PRSS23: variants seen among roughly 807,000 people sequenced by gnomAD.
The protein encoded by PRSS23 is protease, serine 23.
PRSS23 carries 25 observed loss-of-function variants against 34.7 expected under a neutral mutation model. The ratio of observed to expected loss-of-function variants is 0.72; its 90% CI spans 0.53 to 1.01. The LOEUF (loss-of-function observed/expected upper bound fraction) is 1.01. PRSS23 is among the 50% of genes least tolerant of loss of function. PRSS23 has a pLI of 0.00. For synonymous variants in PRSS23, 176 were observed against 186.6 expected (o/e 0.94, Z 0.46); for missense variants, 445 against 475.6 (o/e 0.94, Z 0.60).
At chr11:86,830,546 C>T (rs1394574972) in intron 2 of PRSS23, among the ~76,000 whole-genome samples, 1 of 152,192 alleles carries the variant, frequency 6.6e-6, no homozygotes, top group African/African-American at 2.4e-5. Context: ...GAACCTGGTA[C>T]CTCAGATGGA....
At chr11:86,902,085 C>G (rs970921340) in intron 2 of PRSS23, among the ~76,000 whole-genome samples, 1 of 152,090 alleles carries the variant, frequency 6.6e-6, no homozygotes, top group Non-Finnish European at 1.5e-5. Flanking sequence ...TACTGAATGT[C>G]TACATAGATG....
intron 2 of PRSS23, among the ~76,000 whole-genome samples, chr11:86,825,274 T>A (rs1948290443): frequency 6.6e-6 from 1 of 152,140 alleles, no homozygotes; most frequent in Admixed American, 6.5e-5. Flanking sequence ...TGCATAAATG[T>A]CTTCTTTTGA....
chr11:86,833,118 A>G (rs1013240526), intron 2 of PRSS23: 1 of 660,480 alleles, frequency 1.5e-6, no homozygotes, highest in Non-Finnish European at 2.8e-6. Context: ...ACTCAGGAGC[A>G]TGTCTTTCTT....
chr11:86,814,260 TATC>T (rs1948199713), downstream of PRSS23, among the ~76,000 whole-genome samples: 2 of 152,018 alleles, frequency 1.3e-5, no homozygotes, highest in Admixed American at 1.3e-4. Flanking sequence ...AGAGAAATAA[TATC>T]ATCTGGGGAG....
chr11:86,879,705 C>T (rs1948757178), intron 2 of PRSS23, among the ~76,000 whole-genome samples: 1 of 143,476 alleles, frequency 7.0e-6, no homozygotes, highest in South Asian at 2.3e-4. Context: ...GGCCAGCCGC[C>T]CCATCCGGGA....
intron 2 of PRSS23, among the ~76,000 whole-genome samples, chr11:86,879,194 C>G (rs1473470830): frequency 7.3e-5 from 11 of 150,388 alleles, no homozygotes; most frequent in African/African-American, 2.7e-4. Context: ...CTCTGCCCGG[C>G]GGCCCATCAT....
chr11:86,939,406 ATAT>A lies in PRSS23; in HGVS notation c.207-11809_207-11807del, dbSNP rs1565392771. On this transcript the variant is annotated intron_variant, in intron 2 of 2. Transcript: ENST00000533902. ...CTATTTCTCAGTTAAAAAAAAAAAT[ATAT>A]ATATATATATATATATATTTTTTAA... is the stretch of plus-strand genomic sequence containing the variant. 6.5e-3 allele frequency among the ~76,000 whole-genome samples: 363 copies of A among 55,498 alleles called. 6 individuals are homozygous for A. The highest frequency in any genetic ancestry group is 0.029 in the Middle Eastern group (2 of 70). 36.4% of individuals were successfully genotyped at this position (55,498 alleles called of 152,430 possible).
chr11:86,951,879 T>A, exon 3 of PRSS23: 1 of 1,613,742 alleles, frequency 6.2e-7, no homozygotes. Flanking sequence ...CCTTCTTGGA[T>A]GAGAACAGGT....
At chr11:86,875,148 A>T (rs1328558058) in intron 2 of PRSS23, among the ~76,000 whole-genome samples, 2 of 152,244 alleles carry the variant, frequency 1.3e-5, no homozygotes, top group African/African-American at 4.8e-5. Context: ...AGCCACCTAC[A>T]TTCAAGGAGA....
At chr11:86,845,771 C>A (rs904526894) in intron 2 of PRSS23, among the ~76,000 whole-genome samples, 6 of 152,160 alleles carry the variant, frequency 3.9e-5, no homozygotes, top group African/African-American at 1.4e-4. Flanking sequence ...TATTTCTCTT[C>A]CCCCTACCCC....
downstream of PRSS23, among the ~76,000 whole-genome samples, chr11:86,811,583 A>G (rs1590874316): frequency 3.3e-5 from 5 of 152,332 alleles, no homozygotes; most frequent in East Asian, 3.9e-4. Flanking sequence ...AAAGGGGTAA[A>G]GAAATAGGAG....
chr11:86,855,975 T>G (rs1270863059), intron 2 of PRSS23, among the ~76,000 whole-genome samples: 1 of 152,008 alleles, frequency 6.6e-6, no homozygotes, highest in African/African-American at 2.4e-5. Flanking sequence ...TATACCACAG[T>G]TTTTTAATTG....
At chr11:86,887,345 T>C (rs975426434) in intron 2 of PRSS23, among the ~76,000 whole-genome samples, 1 of 148,426 alleles carries the variant, frequency 6.7e-6, no homozygotes, top group Non-Finnish European at 1.5e-5. Context: ...CTGCCCAAGA[T>C]GTGAAATGGG....
At chr11:86,801,664 A>G (rs1565348133) in intron 1 of PRSS23, among the ~76,000 whole-genome samples, 1 of 152,222 alleles carries the variant, frequency 6.6e-6, no homozygotes, top group Non-Finnish European at 1.5e-5. Flanking sequence ...TCAAAGTAGT[A>G]TCAGGATATT....
exon 1 of PRSS23, chr11:86,791,081 G>A (rs1250485354): frequency 1.3e-5 from 2 of 152,266 alleles, no homozygotes; most frequent in Admixed American, 6.5e-5. Flanking sequence ...AGTGTGACAG[G>A]TTCCACAGAG....
In PRSS23 at chr11:86,807,794, C is replaced by G. The variant is rs1306419912; in HGVS notation, c.151C>G (p.Pro51Ala). The G allele has an allele frequency of 6.2e-7, 1 of 1,614,168 alleles. No homozygotes were observed. Among genetic ancestry groups the G allele is most frequent in the Non-Finnish European group, 8.5e-7 (1 of 1,180,020 alleles). ...CCAGTCTACCCTCAATTTAGCCAAG[C>G]CAGACTTTGGAGCCGAAGCCAAATT... ...LPQSTLNLAKPDFGAEAKLEV... is the reference protein window; with the variant it reads ...LPQSTLNLAKADFGAEAKLEV... The change falls in exon 2 of 2, where the codon CCA becomes GCA. Residue 51 changes from proline (P) to alanine (A), a missense_variant. Pro to Ala is a conservative substitution (Grantham distance 27). Transcript: ENST00000280258.
At chr11:86,812,983 G>A (rs1275842632), downstream of PRSS23, among the ~76,000 whole-genome samples, 1 of 151,964 alleles carries the variant, frequency 6.6e-6, no homozygotes, top group Non-Finnish European at 1.5e-5. Flanking sequence ...ATGATTTAAA[G>A]ATCCTCCCTC....
rs60869425 is a variant in PRSS23 at position 86,900,781 on chromosome 11, C to CTTTTT, written c.207-50418_207-50414dup. ...AATTTCAGCATTATTATCTCTCTCTCTTTTTTTTTTTTTTTTTTTTTGAGA... is the reference window on the plus strand; with the variant it reads ...AATTTCAGCATTATTATCTCTCTCTCTTTTTTTTTTTTTTTTTTTTTTTTTTGAGA... On this transcript the variant is annotated intron_variant, in intron 2 of 2. Coordinates refer to the PRSS23 transcript ENST00000533902. Among the ~76,000 whole-genome samples the CTTTTT allele has an allele frequency of 2.4e-3, 226 of 94,004 alleles. 10 individuals are homozygous for CTTTTT. The highest frequency in any genetic ancestry group is 4.2e-3 in the African/African-American group (94 of 22,442). The allele number at this position is 94,004 out of a possible 152,430, so 61.7% of individuals were successfully genotyped here. A position where few individuals can be genotyped will look rare whatever the true frequency, so the allele number is the denominator to read the frequency against.
intron 2 of PRSS23, among the ~76,000 whole-genome samples, chr11:86,887,645 A>G (rs918144444): frequency 2.0e-5 from 3 of 152,190 alleles, no homozygotes; most frequent in African/African-American, 4.8e-5. Context: ...CACACATAAT[A>G]ATTACCGTGC....
Sources: allele counts gnomAD v4.1 joint callset (sites outside exome capture counted in the v4.1 genomes callset), GRCh38; gene constraint gnomAD v4.1.1; transcripts MANE v1.5; gene names NCBI Gene and HGNC (gene_info 2026-07-23, HGNC 2026-07-21).